The following IMPG2 variants were observed in gnomAD, a reference collection of about 807,000 sequenced individuals.
The protein encoded by IMPG2 is interphotoreceptor matrix proteoglycan 2.
IMPG2 carries 91 observed loss-of-function variants against 129.2 expected under a neutral mutation model. That is an observed-to-expected ratio of 0.70 (90% CI 0.59 to 0.84). IMPG2 has a LOEUF of 0.84. IMPG2 is among the 40% of genes least tolerant of loss of function. IMPG2 has a pLI of 0.00. For missense variants in IMPG2, 1,430 were observed against 1,461.7 expected (o/e 0.98, Z 0.35); for synonymous variants, 510 against 517.7 (o/e 0.99, Z 0.20).
Position 101,256,586 on chromosome 3 carries a change from T to TAC in IMPG2, c.1153+941_1153+942dup, listed in dbSNP as rs565142611. 3.8e-4 allele frequency among the ~76,000 whole-genome samples: 58 copies of TAC among 152,026 alleles called. 1 individual carries two copies. The highest frequency in any genetic ancestry group is 3.4e-3 in the Middle Eastern group (1 of 294). On this transcript the variant is annotated intron_variant, in intron 10 of 18. Coordinates refer to ENST00000193391, the MANE Select transcript of IMPG2 (RefSeq NM_016247.4). ...TCTCTATTTTTGTTTATTTATTTGT[T>TAC]ACACACACACACAGAGAACTAGGTA...
intron 2 of IMPG2, among the ~76,000 whole-genome samples, chr3:101,305,631 C>T (rs746936068): frequency 6.6e-6 from 1 of 151,846 alleles, no homozygotes; most frequent in Non-Finnish European, 1.5e-5. Flanking sequence ...TTTCTGTAAA[C>T]CTAAAACTGC....
chr3:101,276,285 CA>C (rs1706839963), intron 5 of IMPG2, among the ~76,000 whole-genome samples: 1 of 152,076 alleles, frequency 6.6e-6, no homozygotes, highest in Non-Finnish European at 1.5e-5. Context: ...CCACAGAATG[CA>C]ATAAGAAAAT....
chr3:101,267,829 T>C (rs1364394542), intron 8 of IMPG2, among the ~76,000 whole-genome samples: 1 of 145,350 alleles, frequency 6.9e-6, no homozygotes, highest in Non-Finnish European at 1.5e-5. Context: ...AGGACTCCAG[T>C]TGTTGGCTTT....
chr3:101,240,029 G>A (rs1254170926), intron 14 of IMPG2, among the ~76,000 whole-genome samples: 2 of 151,346 alleles, frequency 1.3e-5, no homozygotes, highest in African/African-American at 4.9e-5. Flanking sequence ...TAACAGATCT[G>A]CACGTTCTAC....
intron 3 of IMPG2, among the ~76,000 whole-genome samples, chr3:101,298,894 A>C (rs1006972842): frequency 3.9e-5 from 6 of 152,192 alleles, no homozygotes; most frequent in Non-Finnish European, 8.8e-5. Context: ...TGATCTTCTC[A>C]TGCAGTATCT....
chr3:101,243,014 T>C, intron 13 of IMPG2, 107 bp from the exon 14 acceptor site: 1 of 849,440 alleles, frequency 1.2e-6, no homozygotes, highest in Non-Finnish European at 2.0e-6. Context: ...GCCTCACTTT[T>C]CCTAATTGTA....
intron 4 of IMPG2, among the ~76,000 whole-genome samples, chr3:101,282,860 C>T (rs1381600962): frequency 2.0e-5 from 3 of 152,224 alleles, no homozygotes; most frequent in African/African-American, 7.2e-5. Context: ...AACTCTCCTT[C>T]CATCACTTTA....
chr3:101,288,871 G>T (rs767152179), intron 4 of IMPG2, among the ~76,000 whole-genome samples: 5 of 152,008 alleles, frequency 3.3e-5, no homozygotes, highest in South Asian at 2.1e-4. Flanking sequence ...TCTATGTATG[G>T]GTGTGTGTGC....
chr3:101,227,292 C>T (rs1370971508), intron 18 of IMPG2, among the ~76,000 whole-genome samples: 2 of 152,176 alleles, frequency 1.3e-5, no homozygotes, highest in Non-Finnish European at 2.9e-5. Flanking sequence ...TTTCCAATGT[C>T]TTATTCCTTC....
At chr3:101,319,540 T>C (rs761943754) in intron 2 of IMPG2, 44 bp downstream of exon 2, 2 of 1,609,014 alleles carry the variant, frequency 1.2e-6, no homozygotes, top group South Asian at 2.2e-5. Flanking sequence ...TTAAACTATG[T>C]TTGAATTTCA....
In IMPG2 at chr3:101,292,055, A is replaced by T. The variant is rs1707024108; in HGVS notation, c.502-545T>A. On this transcript the variant is annotated intron_variant, in intron 3 of 18. Transcript: ENST00000193391. Reference sequence around the variant, plus strand: ...GGATTGTTATTTTGAGATCAATATGATAGAAGGAATAGTGACTTGGAATCA... The same window carrying T: ...GGATTGTTATTTTGAGATCAATATGTTAGAAGGAATAGTGACTTGGAATCA... Among the ~76,000 whole-genome samples, 3 of 152,344 alleles carry T rather than the reference A, an allele frequency of 2.0e-5. No homozygotes were observed. The South Asian group carries it at 6.2e-4, about 32-fold the overall frequency.
intron 4 of IMPG2, among the ~76,000 whole-genome samples, chr3:101,281,445 G>C (rs143897236): frequency 6.6e-6 from 1 of 152,172 alleles, no homozygotes; most frequent in Non-Finnish European, 1.5e-5. Flanking sequence ...CCTGAATACA[G>C]GCAGAAAATG....
chr3:101,306,994 C>T (rs780643374), intron 2 of IMPG2, among the ~76,000 whole-genome samples: 7 of 152,022 alleles, frequency 4.6e-5, no homozygotes, highest in Non-Finnish European at 8.8e-5. Flanking sequence ...CATATATCTG[C>T]CAAAGAACTG....
At chr3:101,310,970 C>A (rs549274891) in intron 2 of IMPG2, among the ~76,000 whole-genome samples, 1 of 152,254 alleles carries the variant, frequency 6.6e-6, no homozygotes, top group South Asian at 2.1e-4. Context: ...TTTTAAGTTA[C>A]ATTTAACCCT....
At chr3:101,262,318 A>G (rs1465025194) in intron 9 of IMPG2, among the ~76,000 whole-genome samples, 2 of 152,112 alleles carry the variant, frequency 1.3e-5, no homozygotes, top group Admixed American at 1.3e-4. Context: ...AAAGAGGTAC[A>G]GAGCAAATAA....
At chr3:101,261,676 G>C (rs1204714911) in intron 9 of IMPG2, among the ~76,000 whole-genome samples, 1 of 152,094 alleles carries the variant, frequency 6.6e-6, no homozygotes. Flanking sequence ...ATAAGTGCTT[G>C]AGATACCAGA....
At chr3:101,236,420 A>G (rs1373396650) in intron 14 of IMPG2, among the ~76,000 whole-genome samples, 2 of 152,214 alleles carry the variant, frequency 1.3e-5, no homozygotes, top group African/African-American at 4.8e-5. Context: ...AAGATGGCCA[A>G]ATAGGAACAG....
chr3:101,273,770 T>C (rs750645142), intron 6 of IMPG2, 28 bp from the exon 7 acceptor site: 1 of 1,600,362 alleles, frequency 6.2e-7, no homozygotes, highest in Non-Finnish European at 8.6e-7. Context: ...GAACAATAAA[T>C]GTCAAGGCTT....
chr3:101,320,138 T>C (rs985138789), intron 1 of IMPG2, 150 bp downstream of exon 1: 7 of 672,734 alleles, frequency 1.0e-5, no homozygotes, highest in African/African-American at 9.2e-5. Flanking sequence ...ATTGGAGATA[T>C]TTTAAAACGG....
Sources: gnomAD v4.1 joint callset for allele counts (sites outside exome capture counted in the v4.1 genomes callset) on GRCh38, gnomAD v4.1.1 for gene constraint, MANE v1.5 for transcripts, NCBI Gene and HGNC (gene_info 2026-07-23, HGNC 2026-07-21) for gene names.